The following EYS variants were observed in gnomAD, a reference collection of about 807,000 sequenced individuals.
EYS encodes the protein EGF-like photoreceptor maintenance factor.
In EYS, 250 loss-of-function variants were observed where a neutral mutation model predicts 282.1. The observed-to-expected ratio is 0.89, with a 90% CI of 0.80 to 0.98. The LOEUF is 0.98. Among genes scored for constraint, EYS ranks in the 50% least tolerant of loss-of-function variants. The pLI is 0.00. For synonymous variants in EYS, 1,355 were observed against 1,282.9 expected, an observed-to-expected ratio of 1.06 and a Z score of -1.20; for missense variants, 4,016 against 3,709.0, an observed-to-expected ratio of 1.08 and a Z score of -2.15.
chr6:63,765,011 A>C (rs1449249279), intron 40 of EYS, among the ~76,000 whole-genome samples: 1 of 151,878 alleles, frequency 6.6e-6, no homozygotes, highest in Non-Finnish European at 1.5e-5. Flanking sequence ...ATTCATTAAT[A>C]TTTCTTCCCT....
intron 2 of EYS, among the ~76,000 whole-genome samples, chr6:65,560,347 G>T (rs1359078425): frequency 7.1e-6 from 1 of 140,066 alleles, no homozygotes; most frequent in African/African-American, 2.6e-5. Context: ...GTTATATATT[G>T]TATATAATAT....
chr6:63,959,863 T>TG (rs546559398), intron 35 of EYS, among the ~76,000 whole-genome samples: 1 of 148,574 alleles, frequency 6.7e-6, no homozygotes, highest in Non-Finnish European at 1.5e-5. Flanking sequence ...TGTAGGGGAG[T>TG]GGGGGGTAAG....
At position 63,864,279 on chromosome 6, in the gene EYS, G is replaced by A; in HGVS notation, c.7135C>T (p.Pro2379Ser). 6.4e-7 allele frequency: 1 copy of A among 1,551,428 alleles called. No homozygotes were observed. Among genetic ancestry groups the A allele is most frequent in the Non-Finnish European group, 8.7e-7 (1 of 1,146,858 alleles). The change falls in exon 36 of 43, where the codon CCA becomes TCA. Residue 2379 changes from proline to serine, a missense_variant. Physicochemically the swap from Pro to Ser is moderately conservative, Grantham distance 74. Coordinates refer to ENST00000503581, the MANE Select transcript of EYS (RefSeq NM_001142800.2). ...LCQFASCENN[P>S]CGNGATCVPK... ...ACACAGGTGGCACCATTTCCACATG[G>A]GTTGTTTTCACAACTTGCAAACTGG...
chr6:65,619,342 T>A (rs1766369661), intron 2 of EYS, among the ~76,000 whole-genome samples: 1 of 152,024 alleles, frequency 6.6e-6, no homozygotes, highest in African/African-American at 2.4e-5. Flanking sequence ...ACTCATGATT[T>A]GCCTCTCTGT....
chr6:65,124,869 T>C (rs895676442), intron 12 of EYS, among the ~76,000 whole-genome samples: 26 of 152,200 alleles, frequency 1.7e-4, no homozygotes, highest in African/African-American at 6.3e-4. Flanking sequence ...AATGGTTTCT[T>C]GTACAAAACT....
chr6:64,930,843 T>C (rs1460665019), intron 15 of EYS, among the ~76,000 whole-genome samples: 1 of 152,162 alleles, frequency 6.6e-6, no homozygotes, highest in Non-Finnish European at 1.5e-5. Flanking sequence ...CCAGATGCTG[T>C]TGGCAAAACA....
chr6:64,731,380 C>A (rs566258135), intron 22 of EYS, among the ~76,000 whole-genome samples: 1 of 152,262 alleles, frequency 6.6e-6, no homozygotes, highest in African/African-American at 2.4e-5. Flanking sequence ...AGTGAACGGG[C>A]AGCCTACAGA....
chr6:64,747,162 T>C (rs1410711756), intron 22 of EYS, among the ~76,000 whole-genome samples: 1 of 152,222 alleles, frequency 6.6e-6, no homozygotes, highest in Non-Finnish European at 1.5e-5. Context: ...CAAGTAAAAC[T>C]ACTTTGTAAT....
intron 30 of EYS, among the ~76,000 whole-genome samples, chr6:64,232,483 G>A (rs545874306): frequency 2.6e-5 from 4 of 152,048 alleles, no homozygotes; most frequent in Non-Finnish European, 4.4e-5. Flanking sequence ...TCCACCTCCC[G>A]GGTTCAAGCA....
chr6:64,056,883 C>T (rs916886155), intron 33 of EYS, among the ~76,000 whole-genome samples: 4 of 152,124 alleles, frequency 2.6e-5, no homozygotes, highest in African/African-American at 7.2e-5. Context: ...TGGTATAGGG[C>T]TTTGTCCTGC....
At chr6:65,095,133 C>A (rs556109571) in intron 12 of EYS, among the ~76,000 whole-genome samples, 10 of 150,932 alleles carry the variant, frequency 6.6e-5, no homozygotes, top group Non-Finnish European at 1.3e-4. Flanking sequence ...TAAGACTTAT[C>A]GTGAAAAAAG....
At chr6:64,516,479 T>C (rs1777563084) in intron 26 of EYS, among the ~76,000 whole-genome samples, 1 of 150,854 alleles carries the variant, frequency 6.6e-6, no homozygotes, top group African/African-American at 2.5e-5. Context: ...CAAAATAATA[T>C]TTTTTTTAAA....
rs540097680 is a variant in EYS at position 64,168,279 on chromosome 6, T to TAAATAAAA, written c.6424+62312_6424+62313insTTTTATTT. Among the ~76,000 whole-genome samples, 248 of 152,076 alleles carry TAAATAAAA rather than the reference T, an allele frequency of 1.6e-3. 1 individual carries two copies. Among genetic ancestry groups the TAAATAAAA allele is most frequent in the African/African-American group, 5.6e-3 (231 of 41,476 alleles). ...CCATTTCAATAAATAAATAAATAAA[T>TAAATAAAA]AAATAAAGCCAGATAATAACAAATG... On this transcript the variant is annotated intron_variant, in intron 31 of 42. Coordinates refer to ENST00000503581, the MANE Select transcript of EYS (RefSeq NM_001142800.2).
At chr6:64,335,043 G>C (rs547018455) in intron 29 of EYS, among the ~76,000 whole-genome samples, 1 of 151,984 alleles carries the variant, frequency 6.6e-6, no homozygotes, top group Non-Finnish European at 1.5e-5. Flanking sequence ...TAATGGTTCT[G>C]CAAAAGTACC....
chr6:64,867,187 G>A (rs929124737), intron 19 of EYS, among the ~76,000 whole-genome samples: 7 of 151,272 alleles, frequency 4.6e-5, no homozygotes, highest in African/African-American at 4.8e-5. Context: ...TTAGATGACC[G>A]ATTTCCTACA....
chr6:64,238,603 C>T (rs1448540293), intron 30 of EYS, among the ~76,000 whole-genome samples: 1 of 152,068 alleles, frequency 6.6e-6, no homozygotes, highest in Non-Finnish European at 1.5e-5. Context: ...CCTTGCATAC[C>T]CATAGCTAAG....
intron 28 of EYS, among the ~76,000 whole-genome samples, chr6:64,406,519 A>G (rs140499174): frequency 5.9e-5 from 9 of 152,322 alleles, no homozygotes; most frequent in Non-Finnish European, 8.8e-5. Context: ...ATCAGAGTAA[A>G]CAGGCCTCCT....
At chr6:65,018,482 G>A (rs1402743681) in intron 13 of EYS, among the ~76,000 whole-genome samples, 1 of 152,030 alleles carries the variant, frequency 6.6e-6, no homozygotes, top group African/African-American at 2.4e-5. Flanking sequence ...TGGATTAAGG[G>A]CCCACCTACT....
chr6:64,049,763 T>C (rs948429558), intron 33 of EYS, among the ~76,000 whole-genome samples: 2 of 152,196 alleles, frequency 1.3e-5, no homozygotes, highest in African/African-American at 4.8e-5. Flanking sequence ...TCTGATTGAC[T>C]AAAATACTAA....
Sources: gnomAD v4.1 joint callset for allele counts (sites outside exome capture counted in the v4.1 genomes callset) on GRCh38, gnomAD v4.1.1 for gene constraint, MANE v1.5 for transcripts, NCBI Gene and HGNC (gene_info 2026-07-23, HGNC 2026-07-21) for gene names.